Variants in BRD7 observed in about 807,000 individuals in gnomAD.
BRD7 encodes the protein bromodomain-containing protein 7.
BRD7 carries 15 observed loss-of-function variants against 82.1 expected under a neutral mutation model. The ratio of observed to expected loss-of-function variants is 0.18; its 90% CI spans 0.12 to 0.28. The LOEUF (loss-of-function observed/expected upper bound fraction) is 0.28, where lower values mean the gene tolerates loss of function less well. Ranked by LOEUF, BRD7 falls within the 10% of genes least tolerant of loss-of-function variation. BRD7 has a pLI of 1.00. For missense variants in BRD7, 638 were observed against 779.9 expected, an observed-to-expected ratio of 0.82 and a Z score of 2.17; for synonymous variants, 232 against 266.9, an observed-to-expected ratio of 0.87 and a Z score of 1.27.
At chr16:50,349,814 T>C (rs560844818) in intron 5 of BRD7, among the ~76,000 whole-genome samples, 17 of 152,262 alleles carry the variant, frequency 1.1e-4, no homozygotes, top group Admixed American at 6.5e-4. Context: ...AAGACAAAAA[T>C]AATTATGAAT....
chr16:50,320,613 G>A (rs756971066), intron 14 of BRD7, 50 bp downstream of exon 14: 2 of 1,462,128 alleles, frequency 1.4e-6, no homozygotes, highest in Admixed American at 3.3e-5. Flanking sequence ...ATGAAATCTT[G>A]ACTGCCTACA....
In BRD7 at chr16:50,318,232, T is replaced by G. The variant is rs761585312; in HGVS notation, c.*979A>C. The G allele has an allele frequency of 6.6e-6, 1 of 152,224 alleles. No homozygotes were observed. Among genetic ancestry groups the G allele is most frequent in the East Asian group, 1.9e-4 (1 of 5,206 alleles). The allele number at this position is 152,224 out of a possible 1,614,324, so 9.4% of individuals were successfully genotyped here. A position where few individuals can be genotyped will look rare whatever the true frequency, so the allele number is the denominator to read the frequency against. On this transcript the variant is annotated 3_prime_UTR_variant, in exon 17 of 17. Transcript: ENST00000394688. ...AAAATTTGACTCTTTTAGCATAAGA[T>G]TTTAAGTCTTTTGAGGGAATTAATT... is the stretch of plus-strand genomic sequence containing the variant.
rs1192642509 is a variant in BRD7 at position 50,317,801 on chromosome 16, T to C, written c.*1410A>G. The C allele has an allele frequency of 3.3e-5, 5 of 152,376 alleles. No homozygotes were observed. In the South Asian group the frequency reaches 6.2e-4, roughly 19 times the overall value. The allele number at this position is 152,376 out of a possible 1,614,324, so 9.4% of individuals were successfully genotyped here. A position where few individuals can be genotyped will look rare whatever the true frequency, so the allele number is the denominator to read the frequency against. ...CTAACAAACAAACAAACAGTGACCTTCTCCATGGGTCAAGGACTTCCTTAC... is the reference window on the plus strand; with the variant it reads ...CTAACAAACAAACAAACAGTGACCTCCTCCATGGGTCAAGGACTTCCTTAC... On this transcript the variant is annotated 3_prime_UTR_variant, in exon 17 of 17. Coordinates refer to ENST00000394688, the MANE Select transcript of BRD7 (RefSeq NM_013263.5).
At chr16:50,331,250 C>T (rs1212970377) in intron 8 of BRD7, among the ~76,000 whole-genome samples, 2 of 152,198 alleles carry the variant, frequency 1.3e-5, no homozygotes, top group Non-Finnish European at 2.9e-5. Context: ...AAGCAATCTA[C>T]AGATTCAATG....
At chr16:50,342,490 ACT>A (rs2038109186) in intron 5 of BRD7, among the ~76,000 whole-genome samples, 2 of 111,662 alleles carry the variant, frequency 1.8e-5, no homozygotes, top group Non-Finnish European at 1.6e-5. Flanking sequence ...ATGGAGTCTC[ACT>A]CTGTCGCAAG....
intron 2 of BRD7, among the ~76,000 whole-genome samples, chr16:50,358,374 G>T (rs181040065): frequency 0.17 from 961 of 5,524 alleles, 14 homozygotes; most frequent in African/African-American, 0.28. Flanking sequence ...TGTGCACCTG[G>T]AGTCCCAGCT....
rs555651832 is a variant in BRD7, at chr16:50,344,578, T to G, written c.592-4492A>C. Among the ~76,000 whole-genome samples the G allele has an allele frequency of 8.1e-4, 124 of 152,300 alleles. 1 individual carries two copies. Among genetic ancestry groups the G allele is most frequent in the Non-Finnish European group, 3.7e-4 (25 of 68,020 alleles). On this transcript the variant is annotated intron_variant, in intron 5 of 16. Coordinates refer to ENST00000394688, the MANE Select transcript of BRD7 (RefSeq NM_013263.5). ...AGGGTAGAGAAGACCTTAACTGACCTGATGGAGCTGAAAATCATGGCACGA... is the reference window on the plus strand; with the variant it reads ...AGGGTAGAGAAGACCTTAACTGACCGGATGGAGCTGAAAATCATGGCACGA...
At chr16:50,355,049 C>G in intron 2 of BRD7, 127 bp from the exon 3 acceptor site, 1 of 1,140,514 alleles carries the variant, frequency 8.8e-7, no homozygotes, top group Non-Finnish European at 1.2e-6. Context: ...GCTCAATGTA[C>G]TTTACTGCCA....
In BRD7 at chr16:50,354,197, T is replaced by C. The variant is rs75489148; in HGVS notation, c.446+228A>G. On this transcript the variant is annotated intron_variant, in intron 4 of 16. Transcript: ENST00000394688. ...CAGAAATTACTTTAGAGACAGAAAT[T>C]TGTCATTAAAAGTATTATGTAACAC... Among the ~76,000 whole-genome samples, 391 of 152,328 alleles carry C rather than the reference T, an allele frequency of 2.6e-3. 4 individuals are homozygous for C. Among genetic ancestry groups the C allele is most frequent in the African/African-American group, 8.9e-3 (368 of 41,578 alleles).
intron 2 of BRD7, among the ~76,000 whole-genome samples, chr16:50,355,772 AAG>A (rs1461097689): frequency 6.6e-6 from 1 of 152,226 alleles, no homozygotes; most frequent in Non-Finnish European, 1.5e-5. Context: ...AGAGTAGAAA[AAG>A]ACTTTCTTAA....
rs577899857 is a variant in BRD7 at position 50,324,610 on chromosome 16, C to T, written c.1332-912G>A. 1.1e-4 allele frequency among the ~76,000 whole-genome samples: 17 copies of T among 152,326 alleles called. No homozygotes were observed. The South Asian group carries it at 2.5e-3, about 22-fold the overall frequency. On this transcript the variant is annotated intron_variant, in intron 11 of 16. Coordinates refer to ENST00000394688, the MANE Select transcript of BRD7 (RefSeq NM_013263.5). ...TGCACAGCTCCTGCACTGCCTGGAA[C>T]GTTCTTTCAGGTAGCAGCCTTGCTT...
chr16:50,323,384 CG>C (rs1228075076), intron 12 of BRD7, among the ~76,000 whole-genome samples: 4 of 152,204 alleles, frequency 2.6e-5, no homozygotes, highest in African/African-American at 9.6e-5. Context: ...ATAAGGATAA[CG>C]CTCAGGCCCT....
chr16:50,346,058 T>C (rs1316247566), intron 5 of BRD7, among the ~76,000 whole-genome samples: 5 of 152,152 alleles, frequency 3.3e-5, no homozygotes, highest in Non-Finnish European at 7.3e-5. Context: ...ACAGAAATTA[T>C]AACAAACTGT....
intron 13 of BRD7, 104 bp downstream of exon 13, chr16:50,321,878 A>C (rs887405416): frequency 1.9e-6 from 2 of 1,051,546 alleles, no homozygotes; most frequent in African/African-American, 1.6e-5. Context: ...TCTACTCACT[A>C]ACCTTTTTCC....
intron 6 of BRD7, among the ~76,000 whole-genome samples, chr16:50,336,610 T>C (rs2037811014): frequency 6.6e-6 from 1 of 152,048 alleles, no homozygotes; most frequent in Non-Finnish European, 1.5e-5. Flanking sequence ...CAAAAAGCAA[T>C]CTTATTTGAT....
At chr16:50,332,564 T>C (rs2037613021) in intron 8 of BRD7, among the ~76,000 whole-genome samples, 1 of 152,220 alleles carries the variant, frequency 6.6e-6, no homozygotes, top group Non-Finnish European at 1.5e-5. Flanking sequence ...GTTCAGCTCC[T>C]GTGGAAAGCA....
At chr16:50,350,500 C>T (rs1313003968) in intron 4 of BRD7, among the ~76,000 whole-genome samples, 1 of 152,182 alleles carries the variant, frequency 6.6e-6, no homozygotes, top group Non-Finnish European at 1.5e-5. Flanking sequence ...GAGATTAGCA[C>T]TGCATATTTT....
At chr16:50,349,417 A>C in intron 5 of BRD7, 1 of 374,926 alleles carries the variant, frequency 2.7e-6, no homozygotes, top group Non-Finnish European at 5.2e-6. Context: ...AAAAAATGTA[A>C]ACCATCTAAA....
intron 6 of BRD7, 34 bp downstream of exon 6, chr16:50,339,942 A>G (rs1597058367): frequency 1.5e-6 from 2 of 1,312,214 alleles, no homozygotes; most frequent in Non-Finnish European, 2.1e-6. Context: ...ACAGATTTTA[A>G]TAACTATTAT....
Sources: gnomAD v4.1 joint callset for allele counts (sites outside exome capture counted in the v4.1 genomes callset) on GRCh38, gnomAD v4.1.1 for gene constraint, MANE v1.5 for transcripts, NCBI Gene and HGNC (gene_info 2026-07-23, HGNC 2026-07-21) for gene names.